The following STRBP variants were observed in gnomAD, a reference collection of about 807,000 sequenced individuals.
The protein encoded by STRBP is spermatid perinuclear RNA-binding protein.
In STRBP, 13 loss-of-function variants were observed where a neutral mutation model predicts 80.1. That is an observed-to-expected ratio of 0.16 (90% CI 0.11 to 0.26). The LOEUF (loss-of-function observed/expected upper bound fraction) is 0.26, where lower values mean the gene tolerates loss of function less well. STRBP is among the 10% of genes least tolerant of loss of function. The pLI, the probability that STRBP is intolerant of heterozygous loss-of-function variation, is 1.00. For synonymous variants in STRBP, 284 were observed against 291.2 expected (o/e 0.98, Z 0.25); for missense variants, 485 against 815.2 (o/e 0.59, Z 4.93).
At chr9:123,174,931 T>C (rs1252039621) in intron 4 of STRBP, among the ~76,000 whole-genome samples, 1 of 152,230 alleles carries the variant, frequency 6.6e-6, no homozygotes, top group Non-Finnish European at 1.5e-5. Flanking sequence ...TGTTTGGGTA[T>C]GGCAAACATA....
chr9:123,173,861 A>G lies in STRBP; in HGVS notation c.225-19T>C. On this transcript the variant is annotated intron_variant, in intron 4 of 18. Transcript: ENST00000348403. Reference sequence around the variant, plus strand: ...TTGATCCCTAAAAATAAAAGTCTGCATGATTACTTTCACAACCTATTTCCC... The same window carrying G: ...TTGATCCCTAAAAATAAAAGTCTGCGTGATTACTTTCACAACCTATTTCCC... The G allele has an allele frequency of 6.3e-7, 1 of 1,579,698 alleles. No homozygotes were observed.
intron 13 of STRBP, among the ~76,000 whole-genome samples, chr9:123,143,963 C>T (rs1036597531): frequency 3.9e-5 from 6 of 151,988 alleles, no homozygotes; most frequent in East Asian, 3.9e-4. Flanking sequence ...TTTGAGGGGC[C>T]GAGGCAGCAG....
intron 2 of STRBP, among the ~76,000 whole-genome samples, chr9:123,199,032 C>T (rs897246537): frequency 3.3e-5 from 5 of 152,222 alleles, no homozygotes; most frequent in Admixed American, 1.3e-4. Flanking sequence ...GCAGCCTCTG[C>T]CTCCTGGGTT....
At chr9:123,221,555 T>C (rs1025539742) in intron 2 of STRBP, among the ~76,000 whole-genome samples, 2 of 152,230 alleles carry the variant, frequency 1.3e-5, no homozygotes, top group Non-Finnish European at 2.9e-5. Context: ...GGTTCATCAA[T>C]AGTTAACGTT....
chr9:123,217,061 C>T (rs565494467), intron 2 of STRBP, among the ~76,000 whole-genome samples: 1 of 152,132 alleles, frequency 6.6e-6, no homozygotes, highest in Non-Finnish European at 1.5e-5. Context: ...AATTGAGTTC[C>T]GATGTCAGGA....
chr9:123,184,876 C>G (rs934425580), intron 2 of STRBP, among the ~76,000 whole-genome samples: 7 of 152,298 alleles, frequency 4.6e-5, no homozygotes, highest in Admixed American at 2.0e-4. Context: ...GTATGCACTG[C>G]TATGCCAGAC....
chr9:123,171,400 A>C (rs2038003198), intron 5 of STRBP, among the ~76,000 whole-genome samples: 1 of 152,172 alleles, frequency 6.6e-6, no homozygotes, highest in Non-Finnish European at 1.5e-5. Context: ...AGTGCTCGGG[A>C]AAAAGATTTT....
chr9:123,120,619 CTGATTA>C (rs2035718752), downstream of STRBP, among the ~76,000 whole-genome samples: 1 of 151,628 alleles, frequency 6.6e-6, no homozygotes, highest in Non-Finnish European at 1.5e-5. Flanking sequence ...TGGTGAATGA[CTGATTA>C]TAAGGGTGAA....
chr9:123,175,276 T>G (rs886251886), intron 4 of STRBP, among the ~76,000 whole-genome samples: 1 of 152,210 alleles, frequency 6.6e-6, no homozygotes, highest in Non-Finnish European at 1.5e-5. Flanking sequence ...AAATTAGAGA[T>G]GTCAAGCAAG....
intron 12 of STRBP, 33 bp downstream of exon 12, chr9:123,147,745 G>T: frequency 6.9e-7 from 1 of 1,457,888 alleles, no homozygotes; most frequent in Non-Finnish European, 9.4e-7. Context: ...GTCCTCTCTA[G>T]TTTGCATCTA....
intron 2 of STRBP, among the ~76,000 whole-genome samples, chr9:123,185,003 T>C (rs1039730318): frequency 2.0e-5 from 3 of 152,114 alleles, no homozygotes; most frequent in Admixed American, 6.5e-5. Context: ...TCCACCTTTA[T>C]GAGATTTTAT....
intron 5 of STRBP, 92 bp downstream of exon 5, chr9:123,173,584 CT>C: frequency 2.2e-6 from 3 of 1,344,336 alleles, no homozygotes; most frequent in Non-Finnish European, 3.0e-6. Flanking sequence ...ATCCTATTAG[CT>C]ATTAGCAATT....
Position 123,207,021 on chromosome 9 carries a change from A to G in STRBP, c.-164-22723T>C, listed in dbSNP as rs1050424988. On this transcript the variant is annotated intron_variant, in intron 2 of 18. Coordinates refer to ENST00000348403, the MANE Select transcript of STRBP (RefSeq NM_018387.5). ...TTTTCTGTGGTAAAATGAGATTTTC[A>G]TGTCATATTTTCTGCTTTGGAAAGT... 2.6e-5 allele frequency among the ~76,000 whole-genome samples: 4 copies of G among 152,166 alleles called. 1 individual carries two copies. Among genetic ancestry groups the G allele is most frequent in the African/African-American group, 9.7e-5 (4 of 41,438 alleles).
chr9:123,192,579 G>A (rs895628552), intron 2 of STRBP, among the ~76,000 whole-genome samples: 3 of 152,076 alleles, frequency 2.0e-5, no homozygotes, highest in East Asian at 3.8e-4. Flanking sequence ...AACATACAGA[G>A]ACCCCCATCT....
At chr9:123,249,278 C>G (rs1189630347) in intron 1 of STRBP, among the ~76,000 whole-genome samples, 2 of 152,156 alleles carry the variant, frequency 1.3e-5, no homozygotes, top group African/African-American at 4.8e-5. Context: ...ACTCGGGAGG[C>G]TGAGGTGGGA....
intron 2 of STRBP, among the ~76,000 whole-genome samples, chr9:123,236,284 G>A (rs1485294250): frequency 6.6e-6 from 1 of 151,978 alleles, no homozygotes; most frequent in East Asian, 1.9e-4. Context: ...AACATTAAGT[G>A]CCCCAATATT....
chr9:123,154,380 A>G (rs915316984), intron 11 of STRBP, among the ~76,000 whole-genome samples: 12 of 152,308 alleles, frequency 7.9e-5, no homozygotes, highest in Admixed American at 6.5e-4. Context: ...AGGCAAACTC[A>G]AATTATTTAG....
At chr9:123,117,202 C>A (rs536999806), downstream of STRBP, among the ~76,000 whole-genome samples, 1 of 152,170 alleles carries the variant, frequency 6.6e-6, no homozygotes, top group Non-Finnish European at 1.5e-5. Flanking sequence ...TGCTCTAGAA[C>A]ACGACAGCCT....
rs529575752 is a variant in STRBP, at chr9:123,132,803, G to A, written c.1897+42C>T. ...CAGGAGATGCTATTCTTTGAATTTC[G>A]GCCCAGTAAAGGGGGCCAATCTCTT... On this transcript the variant is annotated intron_variant, in intron 17 of 18. Coordinates refer to ENST00000348403, the MANE Select transcript of STRBP (RefSeq NM_018387.5). The A allele has an allele frequency of 1.4e-5, 23 of 1,604,512 alleles. No individual in the cohort carries two copies. In the East Asian group the frequency reaches 2.9e-4, roughly 20 times the overall value.
Sources: gnomAD v4.1 joint callset for allele counts (sites outside exome capture counted in the v4.1 genomes callset) on GRCh38, gnomAD v4.1.1 for gene constraint, MANE v1.5 for transcripts, NCBI Gene and HGNC (gene_info 2026-07-23, HGNC 2026-07-21) for gene names.